NPHP4: variants seen among roughly 807,000 people sequenced by gnomAD.
NPHP4 encodes the protein nephrocystin 4.
NPHP4 carries 151 observed loss-of-function variants against 155.8 expected under a neutral mutation model. That is an observed-to-expected ratio of 0.97 (90% CI 0.85 to 1.11). NPHP4 has a LOEUF of 1.11. NPHP4 is among the 50% of genes least tolerant of loss of function. The probability of loss-of-function intolerance (pLI) is 0.00; values close to 1 mark genes in which losing one functional copy is unlikely to be tolerated. For missense variants in NPHP4, 1,956 were observed against 1,925.7 expected (o/e 1.02, Z -0.29); for synonymous variants, 845 against 816.8 (o/e 1.03, Z -0.59).
At chr1:5,955,017 A>C (rs568768411) in intron 6 of NPHP4, among the ~76,000 whole-genome samples, 1 of 152,194 alleles carries the variant, frequency 6.6e-6, no homozygotes, top group East Asian at 1.9e-4. Flanking sequence ...AAGGAATTTA[A>C]GCAACTCAAC....
chr1:5,989,129 T>C (rs772592428), intron 1 of NPHP4, among the ~76,000 whole-genome samples: 1 of 152,108 alleles, frequency 6.6e-6, no homozygotes, highest in Non-Finnish European at 1.5e-5. Flanking sequence ...GCCATCAGTC[T>C]TCCCCGGGAG....
intron 23 of NPHP4, among the ~76,000 whole-genome samples, chr1:5,869,119 A>G (rs1311856335): frequency 7.6e-6 from 1 of 130,964 alleles, no homozygotes; most frequent in Non-Finnish European, 1.7e-5. Flanking sequence ...CCACATGCAC[A>G]CACGCACAAT....
chr1:5,982,549 C>T (rs916292524), intron 2 of NPHP4, among the ~76,000 whole-genome samples: 1 of 152,194 alleles, frequency 6.6e-6, no homozygotes, highest in Non-Finnish European at 1.5e-5. Flanking sequence ...TTACCATTTC[C>T]TTCCTTCTAG....
rs1354154742 is a variant in NPHP4, at chr1:5,910,009, G to A, written c.1442-796C>T. 6.6e-6 allele frequency among the ~76,000 whole-genome samples: 1 copy of A among 152,176 alleles called. No individual in the cohort carries two copies. Among genetic ancestry groups the A allele is most frequent in the Non-Finnish European group, 1.5e-5 (1 of 68,028 alleles). ...GCTCTCAGCCCCTGCACCTCAGCAG[G>A]AGGAAGCCCCAGCATCGCTGGAGTC... is the stretch of plus-strand genomic sequence containing the variant. On this transcript the variant is annotated intron_variant, in intron 11 of 29. Transcript: ENST00000378156. The surrounding 1 kb of genome is among the most constrained non-coding windows in gnomAD (Gnocchi z 5.4).
Position 5,864,524 on chromosome 1 carries a change from G to A in NPHP4, c.3817-7C>T, listed in dbSNP as rs1488891728. On this transcript the variant is annotated splice_polypyrimidine_tract_variant and splice_region_variant and intron_variant, in intron 27 of 29. Coordinates refer to ENST00000378156, the MANE Select transcript of NPHP4 (RefSeq NM_015102.5). ...AGACACCTTTGGGGTCTGTCTTCAA[G>A]AGCGAGAGAGGCGGGTCAGAGCACA... The A allele has an allele frequency of 1.3e-6, 2 of 1,544,356 alleles. No individual in the cohort carries two copies. The highest frequency in any genetic ancestry group is 1.8e-6 in the Non-Finnish European group (2 of 1,140,634).
At chr1:5,987,723 C>T (rs1655694792) in intron 1 of NPHP4, among the ~76,000 whole-genome samples, 1 of 152,190 alleles carries the variant, frequency 6.6e-6, no homozygotes, top group Non-Finnish European at 1.5e-5. Context: ...CAGTCATCCC[C>T]GGGGAAGCCT....
chr1:5,880,154 G>T lies in NPHP4; in HGVS notation c.2571C>A (p.Arg857=). 4 of 1,613,740 alleles carry T rather than the reference G, an allele frequency of 2.5e-6. No homozygotes were observed. Among genetic ancestry groups the T allele is most frequent in the Non-Finnish European group, 3.4e-6 (4 of 1,179,766 alleles). ...TCGTGAGGAGGCTGCCTCCAGAGAA[G>T]CGGCTGGCTCCATCGTTTGAGATGA... The part of the protein sequence containing the change: ...SRVISNDGAS[R]FSGGSLLTTG... Residue 857 remains arginine (R), a synonymous_variant, in exon 19 of 30, where the codon CGC becomes CGA. Coordinates refer to ENST00000378156, the MANE Select transcript of NPHP4 (RefSeq NM_015102.5).
At chr1:5,945,861 A>G (rs1013328261) in intron 9 of NPHP4, among the ~76,000 whole-genome samples, 9 of 152,028 alleles carry the variant, frequency 5.9e-5, no homozygotes, top group Admixed American at 3.9e-4. Context: ...CTAAGTCCTA[A>G]ATTGCGTGCC....
At chr1:5,913,436 A>G (rs1218361666) in intron 11 of NPHP4, among the ~76,000 whole-genome samples, 1 of 152,212 alleles carries the variant, frequency 6.6e-6, no homozygotes, top group Non-Finnish European at 1.5e-5. Flanking sequence ...CTGACGCTCT[A>G]TCACTCTCCA....
At chr1:5,909,072 G>T in intron 12 of NPHP4, 80 bp downstream of exon 12, 1 of 1,205,620 alleles carries the variant, frequency 8.3e-7, no homozygotes, top group Non-Finnish European at 1.2e-6. Flanking sequence ...GATCCACTGT[G>T]CTTAAGGGGG....
chr1:5,888,343 C>T (rs1171348399), intron 17 of NPHP4: 41 of 1,078,098 alleles, frequency 3.8e-5, no homozygotes, highest in Non-Finnish European at 4.3e-5. Context: ...GCCCTCTCTG[C>T]TCTGGTGCTT....
At chr1:5,909,035 C>T (rs1645046804) in intron 12 of NPHP4, 117 bp downstream of exon 12, 1 of 881,178 alleles carries the variant, frequency 1.1e-6, no homozygotes, top group African/African-American at 1.7e-5. Context: ...CCAGCAGGCC[C>T]TCCCCAGCCA....
At chr1:5,949,269 A>G (rs1415298132) in intron 7 of NPHP4, among the ~76,000 whole-genome samples, 6 of 151,704 alleles carry the variant, frequency 4.0e-5, no homozygotes, top group African/African-American at 1.2e-4. Flanking sequence ...TTGTGTTTAC[A>G]TAAGACCATA....
chr1:5,865,395 G>A, intron 26 of NPHP4, 122 bp from the exon 27 acceptor site: 7 of 912,144 alleles, frequency 7.7e-6, no homozygotes, highest in Non-Finnish European at 1.1e-5. Context: ...AGCCCCAGAG[G>A]ACCAGGCCAC....
chr1:5,955,641 A>G (rs952953102), intron 6 of NPHP4, among the ~76,000 whole-genome samples: 4 of 152,286 alleles, frequency 2.6e-5, no homozygotes, highest in Non-Finnish European at 2.9e-5. Context: ...TAAGCCAAGC[A>G]CAGAAAGACA....
chr1:5,867,163 T>C lies in NPHP4; in HGVS notation c.3473-48A>G. ...AAGAGTCTTCTCCACAGCCCCAGCC[T>C]GTGTGGAGAAGGCCCCACACATTAC... On this transcript the variant is annotated intron_variant, in intron 24 of 29. Coordinates refer to ENST00000378156, the MANE Select transcript of NPHP4 (RefSeq NM_015102.5). This position sits in a 1 kb window ranked among gnomAD's most constrained non-coding sequence, Gnocchi z 4.1. 1 of 1,444,372 alleles carries C rather than the reference T, an allele frequency of 6.9e-7. No homozygotes were observed. The highest frequency in any genetic ancestry group is 9.6e-7 in the Non-Finnish European group (1 of 1,043,234). 89.5% of individuals were successfully genotyped at this position (1,444,372 alleles called of 1,614,324 possible). A position where few individuals can be genotyped will look rare whatever the true frequency, so the allele number is the denominator to read the frequency against.
At chr1:5,967,474 C>T (rs1024386640) in intron 4 of NPHP4, 111 bp from the exon 5 acceptor site, 7 of 789,556 alleles carry the variant, frequency 8.9e-6, no homozygotes, top group Admixed American at 6.2e-5. Flanking sequence ...CTAAACTCCA[C>T]CAGTCCCATC....
chr1:5,948,024 T>A, intron 8 of NPHP4, 46 bp downstream of exon 8: 1 of 1,447,680 alleles, frequency 6.9e-7, no homozygotes, highest in Non-Finnish European at 9.7e-7. Context: ...TTCATCGTGA[T>A]CCCTTGCACA....
At chr1:5,958,257 G>A (rs1364159661) in intron 6 of NPHP4, among the ~76,000 whole-genome samples, 1 of 152,220 alleles carries the variant, frequency 6.6e-6, no homozygotes, top group Non-Finnish European at 1.5e-5. Context: ...TCAGAAAGCA[G>A]CCTCAAGGCC....
Sources: gnomAD v4.1 joint callset for allele counts (sites outside exome capture counted in the v4.1 genomes callset) on GRCh38, gnomAD v4.1.1 for gene constraint, Gnocchi (gnomAD v3.1) non-coding constraint, MANE v1.5 for transcripts, NCBI Gene and HGNC (gene_info 2026-07-23, HGNC 2026-07-21) for gene names.